The following CHL1 variants were observed in gnomAD, a reference collection of about 807,000 sequenced individuals.
CHL1 encodes the protein cell adhesion molecule L1 like.
A neutral mutation model predicts 141.9 loss-of-function variants in CHL1; 96 were observed. The observed-to-expected ratio is 0.68, with a 90% CI of 0.57 to 0.80. The LOEUF is 0.80. Among genes scored for constraint, CHL1 ranks in the 30% least tolerant of loss-of-function variants. CHL1 has a pLI of 0.00. For missense variants in CHL1, 1,820 were observed against 1,457.2 expected, an observed-to-expected ratio of 1.25 and a Z score of -4.05; for synonymous variants, 613 against 502.2, an observed-to-expected ratio of 1.22 and a Z score of -2.95.
At chr3:351,002 G>A (rs928166215) in intron 10 of CHL1, among the ~76,000 whole-genome samples, 1 of 151,920 alleles carries the variant, frequency 6.6e-6, no homozygotes, top group Non-Finnish European at 1.5e-5. Flanking sequence ...TCCCCTCCCT[G>A]GCACACACAC....
chr3:321,558 C>G (rs987393430), intron 3 of CHL1, among the ~76,000 whole-genome samples: 1 of 152,074 alleles, frequency 6.6e-6, no homozygotes, highest in Non-Finnish European at 1.5e-5. Context: ...ACTGAGATTA[C>G]TGATTCAGAT....
chr3:286,888 G>A (rs1475541780), intron 2 of CHL1, among the ~76,000 whole-genome samples: 6 of 152,022 alleles, frequency 3.9e-5, no homozygotes, highest in African/African-American at 7.3e-5. Context: ...GTCTTTTAGC[G>A]TGCTAATTAG....
intron 1 of CHL1, among the ~76,000 whole-genome samples, chr3:205,392 G>T (rs754962628): frequency 1.1e-4 from 17 of 152,108 alleles, no homozygotes; most frequent in Non-Finnish European, 2.4e-4. Flanking sequence ...GGGATTACAG[G>T]CATGAGCCAC....
intron 2 of CHL1, among the ~76,000 whole-genome samples, chr3:317,234 G>A (rs1191417427): frequency 6.6e-6 from 1 of 151,938 alleles, no homozygotes; most frequent in Non-Finnish European, 1.5e-5. Context: ...CTTGGGTCAA[G>A]ACCATGCATT....
chr3:283,942 T>A (rs1443709252), intron 2 of CHL1, among the ~76,000 whole-genome samples: 1 of 152,230 alleles, frequency 6.6e-6, no homozygotes, highest in African/African-American at 2.4e-5. Context: ...AGGGAATTTA[T>A]CAGATGAATG....
At chr3:292,878 A>G (rs1697826629) in intron 2 of CHL1, among the ~76,000 whole-genome samples, 4 of 152,192 alleles carry the variant, frequency 2.6e-5, no homozygotes, top group Admixed American at 2.0e-4. Context: ...ATCTACCCGC[A>G]TCACCCAGAT....
intron 1 of CHL1, chr3:198,001 C>G: frequency 2.8e-6 from 1 of 352,076 alleles, no homozygotes; most frequent in East Asian, 7.6e-5. Context: ...TCTCCGGGCT[C>G]GCTGCGAGCC....
rs1704475621 is a variant in CHL1, at chr3:363,330, G to T, written c.1532G>T (p.Trp511Leu). The T allele has an allele frequency of 2.5e-6, 4 of 1,613,138 alleles. No homozygotes were observed. Among genetic ancestry groups the T allele is most frequent in the Non-Finnish European group, 3.4e-6 (4 of 1,179,612 alleles). Residue 511 changes from tryptophan (W) to leucine (L), a missense_variant, in exon 14 of 28, where the codon TGG (tryptophan) becomes TTG (leucine). Trp to Leu is a moderately conservative substitution (Grantham distance 61, BLOSUM62 -2). Coordinates refer to ENST00000256509, the MANE Select transcript of CHL1 (RefSeq NM_006614.4). ...TEEDAGSYSC[W>L]VENAIGKTAV... ...GAAGATGCTGGGTCTTACTCATGTT[G>T]GGTAGAAAATGCTATAGGAAAAACT... is the stretch of plus-strand genomic sequence containing the variant.
chr3:282,473 G>A (rs1696758414), intron 2 of CHL1, among the ~76,000 whole-genome samples: 1 of 152,138 alleles, frequency 6.6e-6, no homozygotes, highest in South Asian at 2.1e-4. Flanking sequence ...TTAACATCTA[G>A]TGTTCTTTCA....
intron 25 of CHL1, among the ~76,000 whole-genome samples, 172 bp from the exon 26 acceptor site, chr3:398,845 T>A (rs1027660973): frequency 6.6e-6 from 1 of 152,182 alleles, no homozygotes; most frequent in Non-Finnish European, 1.5e-5. Context: ...GAAGGAAAGA[T>A]TTACCAGTAT....
intron 2 of CHL1, among the ~76,000 whole-genome samples, chr3:267,021 CT>C (rs1695215751): frequency 6.6e-6 from 1 of 152,090 alleles, no homozygotes; most frequent in Admixed American, 6.6e-5. Context: ...ATAATTTGTC[CT>C]TATTATTTTT....
chr3:259,297 T>A (rs1419694420), intron 2 of CHL1, among the ~76,000 whole-genome samples: 2 of 151,480 alleles, frequency 1.3e-5, no homozygotes, highest in Non-Finnish European at 2.9e-5. Context: ...CTTGTGTGTG[T>A]GCGTGCTTGT....
At chr3:360,566 G>C in intron 12 of CHL1, 142 bp downstream of exon 12, 1 of 793,240 alleles carries the variant, frequency 1.3e-6, no homozygotes, top group Non-Finnish European at 2.0e-6. Context: ...TTGAGTTTTA[G>C]ACTTCACACT....
intron 11 of CHL1, among the ~76,000 whole-genome samples, chr3:356,862 G>A (rs1387043679): frequency 2.0e-5 from 3 of 152,192 alleles, no homozygotes; most frequent in Admixed American, 6.5e-5. Flanking sequence ...GGGATTTTGA[G>A]AATACACTAG....
intron 5 of CHL1, among the ~76,000 whole-genome samples, chr3:333,763 G>A (rs1341433043): frequency 6.6e-6 from 1 of 152,062 alleles, no homozygotes; most frequent in Non-Finnish European, 1.5e-5. Flanking sequence ...GGAAAGGAAG[G>A]GAGCTACTCT....
At position 329,427 on chromosome 3, in the gene CHL1, A is replaced by G. The variant is rs113752115; in HGVS notation, c.385+1073A>G. Among the ~76,000 whole-genome samples, 660 of 152,200 alleles carry G rather than the reference A, an allele frequency of 4.3e-3. 3 individuals carry two copies. Among genetic ancestry groups the G allele is most frequent in the African/African-American group, 0.015 (633 of 41,558 alleles). On this transcript the variant is annotated intron_variant, in intron 5 of 27. Coordinates refer to ENST00000256509, the MANE Select transcript of CHL1 (RefSeq NM_006614.4). ...GAGGGCATTGTATTTAAATTGTCCT[A>G]AAGTCCTTATATAATTCTAGAGGAA...
chr3:326,179 A>C (rs1371172125), intron 4 of CHL1, 115 bp downstream of exon 4: 2 of 579,722 alleles, frequency 3.4e-6, no homozygotes, highest in Non-Finnish European at 5.8e-6. Context: ...ATTAAAGCTA[A>C]GGGTTTACAA....
intron 2 of CHL1, among the ~76,000 whole-genome samples, chr3:251,268 T>G (rs1293642004): frequency 3.9e-5 from 6 of 152,070 alleles, no homozygotes; most frequent in African/African-American, 1.4e-4. Flanking sequence ...AAAAAATTAG[T>G]CCACCTCTCA....
chr3:251,790 G>A (rs542622403), intron 2 of CHL1, among the ~76,000 whole-genome samples: 1 of 152,176 alleles, frequency 6.6e-6, no homozygotes, highest in South Asian at 2.1e-4. Flanking sequence ...ACACTTAGAA[G>A]TTTCTATTAT....
Sources: gnomAD v4.1 joint callset for allele counts (sites outside exome capture counted in the v4.1 genomes callset) on GRCh38, gnomAD v4.1.1 for gene constraint, MANE v1.5 for transcripts, NCBI Gene and HGNC (gene_info 2026-07-23, HGNC 2026-07-21) for gene names.